The following KCNMA1 variants were observed in gnomAD, a reference collection of about 807,000 sequenced individuals.
KCNMA1 encodes the protein Calcium-activated potassium channel subunit alpha-1.
KCNMA1 carries 29 observed loss-of-function variants against 140.0 expected under a neutral mutation model. That is an observed-to-expected ratio of 0.21 (90% CI 0.15 to 0.28). The LOEUF is 0.28. Among genes scored for constraint, KCNMA1 ranks in the 10% least tolerant of loss-of-function variants. KCNMA1 has a pLI of 1.00. For synonymous variants in KCNMA1, 612 were observed against 611.9 expected (o/e 1.00, Z 0.00); for missense variants, 880 against 1,602.2 (o/e 0.55, Z 7.70).
intron 20 of KCNMA1, among the ~76,000 whole-genome samples, chr10:76,960,618 GTTTTT>G (rs55685324): frequency 1.7e-5 from 1 of 59,296 alleles, no homozygotes; most frequent in African/African-American, 6.7e-5. Flanking sequence ...TTATGGTTTT[GTTTTT>G]TTTTTTTTTT....
chr10:77,249,652 C>G (rs1039919963), intron 3 of KCNMA1: 7 of 152,190 alleles, frequency 4.6e-5, no homozygotes, highest in Non-Finnish European at 1.0e-4. Flanking sequence ...TTGGCAGGGT[C>G]TGCACCCCAC....
chr10:77,076,608 A>G (rs1368936307), intron 13 of KCNMA1, among the ~76,000 whole-genome samples: 1 of 152,204 alleles, frequency 6.6e-6, no homozygotes, highest in East Asian at 1.9e-4. Flanking sequence ...ATTTGTGCCC[A>G]GCAGAGCTGC....
intron 1 of KCNMA1, among the ~76,000 whole-genome samples, chr10:77,526,630 G>T (rs1451404059): frequency 1.3e-5 from 2 of 152,184 alleles, no homozygotes; most frequent in Non-Finnish European, 2.9e-5. Context: ...GCACAGCCAT[G>T]AACTCAATTC....
chr10:77,075,187 G>A (rs2096353552), intron 13 of KCNMA1, among the ~76,000 whole-genome samples: 2 of 152,088 alleles, frequency 1.3e-5, no homozygotes, highest in Non-Finnish European at 2.9e-5. Flanking sequence ...ACTATCAAAG[G>A]ACCTTCCCCA....
chr10:77,004,892 C>A (rs1157165475), intron 18 of KCNMA1, among the ~76,000 whole-genome samples: 1 of 152,144 alleles, frequency 6.6e-6, no homozygotes, highest in Non-Finnish European at 1.5e-5. Flanking sequence ...TGAAGAGTTC[C>A]ACTTTAAATT....
At chr10:77,158,883 T>G (rs1182446042) in intron 5 of KCNMA1, among the ~76,000 whole-genome samples, 1 of 152,118 alleles carries the variant, frequency 6.6e-6, no homozygotes, top group African/African-American at 2.4e-5. Flanking sequence ...TGCGTAAGTG[T>G]AATAAGTAAT....
intron 2 of KCNMA1, among the ~76,000 whole-genome samples, chr10:77,264,943 G>T (rs2063016605): frequency 6.6e-6 from 1 of 152,114 alleles, no homozygotes; most frequent in Non-Finnish European, 1.5e-5. Flanking sequence ...GACCTGGCAG[G>T]GGACACAAAA....
chr10:77,504,874 CAAG>C (rs1410530175), intron 1 of KCNMA1, among the ~76,000 whole-genome samples: 2 of 152,280 alleles, frequency 1.3e-5, no homozygotes, highest in East Asian at 3.9e-4. Flanking sequence ...CCCAAACCTT[CAAG>C]AAGAACTGGT....
At chr10:77,165,292 C>G (rs956462680) in intron 5 of KCNMA1, among the ~76,000 whole-genome samples, 1 of 152,194 alleles carries the variant, frequency 6.6e-6, no homozygotes, top group Non-Finnish European at 1.5e-5. Context: ...CACTTAAACA[C>G]AGTACTTCTG....
intron 1 of KCNMA1, among the ~76,000 whole-genome samples, chr10:77,624,143 G>A (rs1045116188): frequency 5.9e-5 from 9 of 152,188 alleles, no homozygotes; most frequent in Non-Finnish European, 1.3e-4. Flanking sequence ...TGAGATGAAC[G>A]TTCTATCTCC....
chr10:77,519,090 T>C (rs1413140213), intron 1 of KCNMA1, among the ~76,000 whole-genome samples: 1 of 152,246 alleles, frequency 6.6e-6, no homozygotes, highest in African/African-American at 2.4e-5. Flanking sequence ...CCCAGGCCTT[T>C]ATGACCTTTC....
chr10:77,456,915 G>A (rs1279970337), intron 1 of KCNMA1, among the ~76,000 whole-genome samples: 1 of 152,224 alleles, frequency 6.6e-6, no homozygotes, highest in Non-Finnish European at 1.5e-5. Context: ...CGCTATGGGT[G>A]TTTCTCTGAG....
chr10:77,238,338 A>G (rs899765590), intron 3 of KCNMA1, among the ~76,000 whole-genome samples: 12 of 152,200 alleles, frequency 7.9e-5, no homozygotes, highest in African/African-American at 2.9e-4. Context: ...GGGTGGAATG[A>G]TTTTGGCTGG....
At chr10:77,117,777 G>A (rs757369827) in intron 6 of KCNMA1, among the ~76,000 whole-genome samples, 1 of 151,714 alleles carries the variant, frequency 6.6e-6, no homozygotes, top group Non-Finnish European at 1.5e-5. Flanking sequence ...CAGGGCAACT[G>A]AGAAACTGCC....
At chr10:77,283,793 C>G (rs946239487) in intron 2 of KCNMA1, among the ~76,000 whole-genome samples, 4 of 152,140 alleles carry the variant, frequency 2.6e-5, no homozygotes, top group Non-Finnish European at 4.4e-5. Flanking sequence ...ATGGGGGAGA[C>G]AGGTATCCAT....
chr10:77,112,003 T>C (rs766898423), intron 7 of KCNMA1, among the ~76,000 whole-genome samples: 1 of 152,108 alleles, frequency 6.6e-6, no homozygotes, highest in Admixed American at 6.5e-5. Flanking sequence ...TACTAGGAGG[T>C]GTGGGTCCAA....
chr10:77,466,824 T>A (rs1162514788), intron 1 of KCNMA1, among the ~76,000 whole-genome samples: 2 of 150,826 alleles, frequency 1.3e-5, no homozygotes, highest in African/African-American at 4.9e-5. Flanking sequence ...CGTGGGATGC[T>A]GATGTCCATG....
At chr10:77,448,950 A>G (rs893320451) in intron 1 of KCNMA1, among the ~76,000 whole-genome samples, 5 of 151,970 alleles carry the variant, frequency 3.3e-5, no homozygotes, top group Admixed American at 6.6e-5. Flanking sequence ...AGCCAGGCGT[A>G]GTGGTGCATG....
At chr10:77,407,822 G>A (rs1052491979) in intron 1 of KCNMA1, among the ~76,000 whole-genome samples, 6 of 152,138 alleles carry the variant, frequency 3.9e-5, no homozygotes, top group South Asian at 2.1e-4. Flanking sequence ...ATGGGGCTGG[G>A]GCCTCTAAGA....
Sources: gnomAD v4.1 joint callset for allele counts (sites outside exome capture counted in the v4.1 genomes callset) on GRCh38, gnomAD v4.1.1 for gene constraint, MANE v1.5 for transcripts, NCBI Gene and HGNC (gene_info 2026-07-23, HGNC 2026-07-21) for gene names.